DCC: variants seen among roughly 807,000 people sequenced by gnomAD.
The protein encoded by DCC is DCC netrin 1 receptor, also known as netrin receptor DCC.
Under a neutral mutation model 172.5 loss-of-function variants are expected in DCC, and 58 were observed. The observed-to-expected ratio is 0.34, with a 90% CI of 0.27 to 0.42. The LOEUF is 0.42. Among genes scored for constraint, DCC ranks in the 10% least tolerant of loss-of-function variants. The pLI is 1.00. For missense variants in DCC, 1,740 were observed against 1,791.0 expected, an observed-to-expected ratio of 0.97 and a Z score of 0.51; for synonymous variants, 709 against 644.5, an observed-to-expected ratio of 1.10 and a Z score of -1.52.
At chr18:53,496,400 G>A (rs1599218249) in intron 26 of DCC, among the ~76,000 whole-genome samples, 1 of 152,158 alleles carries the variant, frequency 6.6e-6, no homozygotes, top group Non-Finnish European at 1.5e-5. Flanking sequence ...AAACAGAAAG[G>A]AATAGTATCA....
intron 7 of DCC, among the ~76,000 whole-genome samples, chr18:53,088,962 G>A (rs2042962220): frequency 6.6e-6 from 1 of 152,200 alleles, no homozygotes; most frequent in African/African-American, 2.4e-5. Flanking sequence ...GCTCTAATAA[G>A]TAACTCTATG....
At chr18:52,799,642 C>T (rs954619249) in intron 2 of DCC, among the ~76,000 whole-genome samples, 13 of 152,108 alleles carry the variant, frequency 8.5e-5, no homozygotes, top group African/African-American at 3.1e-4. Flanking sequence ...CCATCTGGCA[C>T]CCATGAATCA....
rs34715252 is a variant in DCC at position 53,112,089 on chromosome 18, T to TAAA, written c.1262-45260_1262-45258dup. 4.7e-5 allele frequency among the ~76,000 whole-genome samples: 7 copies of TAAA among 149,736 alleles called. No homozygotes were observed. In the South Asian group the frequency reaches 8.4e-4, roughly 18 times the overall value. Reference sequence around the variant, plus strand: ...ATGCATTTAGAAGCCACTACAGGGGTAAAAAAAAACAAATCAAAACCAAAA... The same window carrying TAAA: ...ATGCATTTAGAAGCCACTACAGGGGTAAAAAAAAAAAACAAATCAAAACCAAAA... On this transcript the variant is annotated intron_variant, in intron 7 of 28. Coordinates refer to ENST00000442544, the MANE Select transcript of DCC (RefSeq NM_005215.4).
intron 16 of DCC, among the ~76,000 whole-genome samples, chr18:53,389,762 C>T (rs1160444017): frequency 1.3e-5 from 2 of 152,148 alleles, no homozygotes; most frequent in African/African-American, 4.8e-5. Context: ...CTCCAAGAAA[C>T]TCAGTAAGAA....
At chr18:53,467,830 A>G in intron 24 of DCC, 64 bp from the exon 25 acceptor site, 3 of 855,796 alleles carry the variant, frequency 3.5e-6, no homozygotes, top group South Asian at 1.3e-5. Context: ...AATGCCTGCT[A>G]GAAATTAGGT....
chr18:53,380,527 C>T (rs1277331401), intron 15 of DCC, among the ~76,000 whole-genome samples: 2 of 152,088 alleles, frequency 1.3e-5, no homozygotes, highest in East Asian at 1.9e-4. Flanking sequence ...CTATTGTTTC[C>T]TCAGTAGGTC....
chr18:53,386,387 T>C (rs528151451), intron 16 of DCC, among the ~76,000 whole-genome samples: 1 of 152,288 alleles, frequency 6.6e-6, no homozygotes, highest in South Asian at 2.1e-4. Flanking sequence ...AATTTGCACA[T>C]GGACTTAGAG....
At chr18:53,060,408 C>T (rs1465874758) in intron 5 of DCC, among the ~76,000 whole-genome samples, 3 of 151,998 alleles carry the variant, frequency 2.0e-5, no homozygotes, top group African/African-American at 7.2e-5. Flanking sequence ...TTTTCCCTTG[C>T]CTGCTGTCTG....
chr18:52,935,390 CATT>C (rs2040367360), intron 5 of DCC, among the ~76,000 whole-genome samples: 1 of 151,872 alleles, frequency 6.6e-6, no homozygotes, highest in Non-Finnish European at 1.5e-5. Flanking sequence ...GTAAATATAT[CATT>C]AACTGTGATG....
chr18:53,359,938 G>A (rs1292192898), intron 15 of DCC, among the ~76,000 whole-genome samples: 1 of 152,056 alleles, frequency 6.6e-6, no homozygotes, highest in Non-Finnish European at 1.5e-5. Context: ...GTATCTGTGT[G>A]GCTCAGAATG....
chr18:52,661,170 G>A (rs1400871535), intron 1 of DCC, among the ~76,000 whole-genome samples: 2 of 152,206 alleles, frequency 1.3e-5, no homozygotes, highest in African/African-American at 4.8e-5. Context: ...TGCTGAACAA[G>A]TAAGTGTGGG....
chr18:53,351,605 A>G (rs1192516083), intron 15 of DCC, among the ~76,000 whole-genome samples: 3 of 148,900 alleles, frequency 2.0e-5, no homozygotes, highest in Admixed American at 6.8e-5. Flanking sequence ...TTTATTTTGT[A>G]TTTTATAATC....
intron 5 of DCC, among the ~76,000 whole-genome samples, chr18:52,968,848 T>C (rs138963242): frequency 1.0e-3 from 157 of 152,198 alleles, no homozygotes; most frequent in Admixed American, 2.0e-3. Flanking sequence ...GTTTTTGTGA[T>C]ATACTAAAAA....
intron 12 of DCC, among the ~76,000 whole-genome samples, chr18:53,243,729 G>A (rs563196263): frequency 2.0e-3 from 307 of 152,202 alleles, no homozygotes; most frequent in Non-Finnish European, 2.9e-3. Context: ...GAGTATTAAC[G>A]ACATAATGTT....
At chr18:52,593,583 A>G (rs2033847375) in intron 1 of DCC, among the ~76,000 whole-genome samples, 1 of 152,172 alleles carries the variant, frequency 6.6e-6, no homozygotes, top group South Asian at 2.1e-4. Context: ...AAAATTTAAT[A>G]TTTACATGTA....
intron 1 of DCC, among the ~76,000 whole-genome samples, chr18:52,626,111 TC>T (rs1371389745): frequency 6.6e-6 from 1 of 152,192 alleles, no homozygotes; most frequent in Non-Finnish European, 1.5e-5. Flanking sequence ...TTCTCTCCAG[TC>T]CTGCCCTCAT....
intron 24 of DCC, among the ~76,000 whole-genome samples, chr18:53,464,604 T>C (rs576296436): frequency 2.6e-5 from 4 of 151,522 alleles, no homozygotes; most frequent in African/African-American, 9.7e-5. Context: ...TCATGTAATA[T>C]CAAGCACAGT....
intron 2 of DCC, among the ~76,000 whole-genome samples, chr18:52,899,033 C>T (rs1403872043): frequency 6.6e-6 from 1 of 152,044 alleles, no homozygotes; most frequent in Non-Finnish European, 1.5e-5. Context: ...TATGGATAGC[C>T]TCTCCACACC....
chr18:52,747,048 C>A (rs987259408), intron 1 of DCC, among the ~76,000 whole-genome samples: 1 of 151,986 alleles, frequency 6.6e-6, no homozygotes, highest in African/African-American at 2.4e-5. Flanking sequence ...AGATAAGAAA[C>A]GCTAGCCAAT....
Sources: allele counts gnomAD v4.1 joint callset (sites outside exome capture counted in the v4.1 genomes callset), GRCh38; gene constraint gnomAD v4.1.1; transcripts MANE v1.5; gene names NCBI Gene and HGNC (gene_info 2026-07-23, HGNC 2026-07-21).